The following CSNK1G3 variants were observed in gnomAD, a reference collection of about 807,000 sequenced individuals.
CSNK1G3 encodes casein kinase 1 gamma 3.
In CSNK1G3, 23 loss-of-function variants were observed where a neutral mutation model predicts 64.3. That is an observed-to-expected ratio of 0.36 (90% confidence interval 0.26 to 0.51). CSNK1G3 has a LOEUF of 0.51. Among genes scored for constraint, CSNK1G3 ranks in the 20% least tolerant of loss-of-function variants. CSNK1G3 has a pLI of 0.96. For missense variants in CSNK1G3, 357 were observed against 510.5 expected (o/e 0.70, Z 2.90); for synonymous variants, 158 against 162.2 (o/e 0.97, Z 0.20).
intron 6 of CSNK1G3, among the ~76,000 whole-genome samples, chr5:123,580,832 T>A (rs1790100768): frequency 6.6e-6 from 1 of 151,940 alleles, no homozygotes; most frequent in South Asian, 2.1e-4. Flanking sequence ...ATTTTTAAAT[T>A]TTTATTGATT....
intron 10 of CSNK1G3, among the ~76,000 whole-genome samples, chr5:123,597,020 TAAG>T (rs1247031977): frequency 8.1e-6 from 1 of 123,092 alleles, no homozygotes; most frequent in African/African-American, 3.3e-5. Context: ...TAAAACGTAA[TAAG>T]AGCAAAGAAA....
At chr5:123,602,019 A>G (rs1561615004) in intron 10 of CSNK1G3, among the ~76,000 whole-genome samples, 1 of 152,232 alleles carries the variant, frequency 6.6e-6, no homozygotes, top group African/African-American at 2.4e-5. Context: ...ATTAGAAAAA[A>G]TAATTATTTT....
intron 7 of CSNK1G3, 100 bp downstream of exon 7, chr5:123,588,253 T>G (rs1022174100): frequency 1.5e-5 from 17 of 1,108,308 alleles, no homozygotes; most frequent in Non-Finnish European, 2.0e-5. Flanking sequence ...AATTTTATTT[T>G]GTAAGTAGGC....
At chr5:123,605,255 A>G (rs1795153609) in intron 11 of CSNK1G3, 84 bp from the exon 13 acceptor site, 4 of 1,236,128 alleles carry the variant, frequency 3.2e-6, no homozygotes, top group East Asian at 4.7e-5. Flanking sequence ...ATGAAAAACA[A>G]TGTGATAATT....
intron 10 of CSNK1G3, 85 bp from the exon 11 acceptor site, chr5:123,594,954 T>C (rs772654095): frequency 2.0e-4 from 220 of 1,095,116 alleles, no homozygotes; most frequent in Non-Finnish European, 2.7e-4. Context: ...TTTATACGTT[T>C]GTTTTATATA....
At chr5:123,543,593 T>C (rs1259086787) in intron 1 of CSNK1G3, among the ~76,000 whole-genome samples, 1 of 152,178 alleles carries the variant, frequency 6.6e-6, no homozygotes, top group Non-Finnish European at 1.5e-5. Flanking sequence ...TTCTGATCTG[T>C]GATCACTGTG....
At chr5:123,536,663 C>T (rs569601130) in intron 1 of CSNK1G3, among the ~76,000 whole-genome samples, 12 of 151,626 alleles carry the variant, frequency 7.9e-5, no homozygotes, top group Non-Finnish European at 1.8e-4. Flanking sequence ...CACCATGTAC[C>T]CCATAAATAT....
intron 6 of CSNK1G3, among the ~76,000 whole-genome samples, chr5:123,587,224 G>A (rs939871413): frequency 4.6e-5 from 7 of 152,174 alleles, no homozygotes; most frequent in African/African-American, 1.7e-4. Context: ...AAAGCATTAA[G>A]TACTGCCTAG....
chr5:123,616,078 ATGAT>A (rs771962465), exon 13 of CSNK1G3: 1 of 152,132 alleles, frequency 6.6e-6, no homozygotes, highest in African/African-American at 2.4e-5. Context: ...AATCCTATGA[ATGAT>A]CTTTTTTTTA....
chr5:123,602,135 T>C (rs1363073137), intron 10 of CSNK1G3, among the ~76,000 whole-genome samples: 2 of 152,108 alleles, frequency 1.3e-5, no homozygotes, highest in Non-Finnish European at 2.9e-5. Context: ...AGAGGCATGC[T>C]TAGATGTAAG....
At chr5:123,512,981 A>G (rs1776501537) in intron 1 of CSNK1G3, among the ~76,000 whole-genome samples, 1 of 151,936 alleles carries the variant, frequency 6.6e-6, no homozygotes, top group South Asian at 2.1e-4. Flanking sequence ...CTGTGTCCAG[A>G]CAATTACCTT....
At chr5:123,575,637 T>G in intron 5 of CSNK1G3, 92 bp from the exon 6 acceptor site, 1 of 710,066 alleles carries the variant, frequency 1.4e-6, no homozygotes, top group Non-Finnish European at 2.4e-6. Flanking sequence ...TTATTTCTTT[T>G]GTATGTTTTC....
At chr5:123,544,820 C>A (rs937092635) in intron 1 of CSNK1G3, among the ~76,000 whole-genome samples, 2 of 152,046 alleles carry the variant, frequency 1.3e-5, no homozygotes, top group Non-Finnish European at 2.9e-5. Flanking sequence ...GTTTTTAAGG[C>A]CCACGTTAAA....
intron 6 of CSNK1G3, among the ~76,000 whole-genome samples, chr5:123,586,451 C>G (rs570087115): frequency 1.3e-5 from 2 of 152,134 alleles, no homozygotes; most frequent in Non-Finnish European, 2.9e-5. Context: ...ATTCTCATCC[C>G]CACTTTCATT....
chr5:123,589,265 C>G (rs1310851611), intron 8 of CSNK1G3, among the ~76,000 whole-genome samples: 1 of 152,092 alleles, frequency 6.6e-6, no homozygotes, highest in Non-Finnish European at 1.5e-5. Flanking sequence ...AAAAGTAGCT[C>G]TTTCTCAAGC....
chr5:123,521,710 G>T (rs1778141477), intron 1 of CSNK1G3, among the ~76,000 whole-genome samples: 1 of 152,108 alleles, frequency 6.6e-6, no homozygotes, highest in Non-Finnish European at 1.5e-5. Context: ...GAAGAAAAAT[G>T]GACAATTTTA....
intron 10 of CSNK1G3, 101 bp downstream of exon 11, chr5:123,595,235 T>C: frequency 9.1e-7 from 1 of 1,099,930 alleles, no homozygotes; most frequent in Non-Finnish European, 1.3e-6. Flanking sequence ...ATGGAAAATT[T>C]GTTGCTGAAC....
chr5:123,567,561 G>A (rs183132725), intron 4 of CSNK1G3, among the ~76,000 whole-genome samples: 41 of 152,236 alleles, frequency 2.7e-4, no homozygotes, highest in African/African-American at 9.4e-4. Context: ...AGCTGAGATC[G>A]CACAACTGTA....
Position 123,571,280 on chromosome 5 carries a change from T to G in CSNK1G3, c.290-2113T>G, listed in dbSNP as rs187458682. ...TACACTATCTTTTTTTGTTTGTTTG[T>G]TTTGTTTTGTTTTGTTTTTTTGAGA... On this transcript the variant is annotated intron_variant, in intron 4 of 12. Transcript: ENST00000345990. 2.0e-5 allele frequency among the ~76,000 whole-genome samples: 3 copies of G among 152,122 alleles called. No homozygotes were observed. The East Asian group carries it at 5.8e-4, about 29-fold the overall frequency.
Sources: gnomAD v4.1 joint callset for allele counts (sites outside exome capture counted in the v4.1 genomes callset) on GRCh38, gnomAD v4.1.1 for gene constraint, MANE v1.5 for transcripts, NCBI Gene and HGNC (gene_info 2026-07-23, HGNC 2026-07-21) for gene names.